PALS1: variants seen among roughly 807,000 people sequenced by gnomAD.
The protein encoded by PALS1 is protein associated with LIN7 1, MAGUK p55 family member.
In PALS1, 31 loss-of-function variants were observed where a neutral mutation model predicts 78.9. The observed-to-expected ratio is 0.39, with a 90% confidence interval of 0.30 to 0.53. The LOEUF (loss-of-function observed/expected upper bound fraction) is 0.53. Among genes scored for constraint, PALS1 ranks in the 20% least tolerant of loss-of-function variants. The pLI is 0.67. For missense variants in PALS1, 704 were observed against 826.5 expected (o/e 0.85, Z 1.82); for synonymous variants, 276 against 270.9 (o/e 1.02, Z -0.18).
intron 8 of PALS1, among the ~76,000 whole-genome samples, chr14:67,305,380 A>G (rs1003700905): frequency 6.6e-6 from 1 of 152,144 alleles, no homozygotes; most frequent in African/African-American, 2.4e-5. Flanking sequence ...CCTGGGCTCA[A>G]GCAGTCCTCC....
intron 4 of PALS1, 91 bp downstream of exon 4, chr14:67,292,810 G>T: frequency 2.1e-6 from 2 of 958,006 alleles, no homozygotes; most frequent in Non-Finnish European, 3.1e-6. Flanking sequence ...GTGACTATAA[G>T]ATTTGTTTGA....
intron 1 of PALS1, among the ~76,000 whole-genome samples, chr14:67,269,353 A>T (rs1190194677): frequency 6.6e-6 from 1 of 151,020 alleles, no homozygotes; most frequent in Admixed American, 6.6e-5. Context: ...GTGTGTGTGT[A>T]GATGTATGAT....
rs565682794 is a variant in PALS1, at chr14:67,325,634, T to A, written c.1851+1822T>A. The stretch of plus-strand genomic sequence containing the variant: ...GGTAGAACAGAAACTCCATGGTTGT[T>A]CAAGGAAAAGGATGCGCACTAAGGA... On this transcript the variant is annotated intron_variant, in intron 14 of 14. Coordinates refer to ENST00000261681, the MANE Select transcript of PALS1 (RefSeq NM_022474.4). Among the ~76,000 whole-genome samples the A allele has an allele frequency of 1.1e-4, 17 of 152,284 alleles. No individual in the cohort carries two copies. The South Asian group carries it at 3.5e-3, about 32-fold the overall frequency.
chr14:67,316,996 C>T (rs919072491), intron 10 of PALS1, 93 bp downstream of exon 10: 2 of 977,000 alleles, frequency 2.0e-6, no homozygotes, highest in Admixed American at 5.1e-5. Flanking sequence ...TGAAGAAGTA[C>T]TCAGGGAAAG....
intron 3 of PALS1, chr14:67,280,018 T>C (rs1284320958): frequency 6.6e-6 from 1 of 152,626 alleles, no homozygotes; most frequent in Non-Finnish European, 1.5e-5. Flanking sequence ...AATAATGGTA[T>C]TTTCTATATC....
At chr14:67,279,777 AG>A (rs2140680825) in intron 3 of PALS1, 1 of 393,050 alleles carries the variant, frequency 2.5e-6, no homozygotes, top group African/African-American at 2.1e-5. Flanking sequence ...GATATTAAAG[AG>A]TTCTGCATGG....
intron 10 of PALS1, among the ~76,000 whole-genome samples, chr14:67,317,107 T>C (rs954742821): frequency 6.6e-6 from 1 of 152,202 alleles, no homozygotes; most frequent in Non-Finnish European, 1.5e-5. Context: ...TAATTGAAAA[T>C]TGTAAATGCT....
In PALS1 at chr14:67,332,808, A is replaced by G; in HGVS notation, c.1880A>G (p.Lys627Arg). ...GAAGAGTTGAGAGAAATCATTGAGA[A>G]GACAAGAGAGATGGAGCAGAACAAT... ...KPEELREIIE[K>R]TREMEQNNGH... Residue 627 changes from lysine to arginine, a missense_variant, in exon 15 of 15, where the codon AAG (lysine) becomes AGG (arginine). By Grantham distance (26) the Lys-to-Arg change is conservative. Coordinates refer to ENST00000261681, the MANE Select transcript of PALS1 (RefSeq NM_022474.4). 6.2e-7 allele frequency: 1 copy of G among 1,613,324 alleles called. No homozygotes were observed. The highest frequency in any genetic ancestry group is 8.5e-7 in the Non-Finnish European group (1 of 1,179,392).
chr14:67,253,555 C>T (rs991382337), intron 1 of PALS1, among the ~76,000 whole-genome samples: 12 of 152,060 alleles, frequency 7.9e-5, no homozygotes, highest in African/African-American at 1.7e-4. Context: ...TTAAAAATGA[C>T]GTAGTTAGGC....
chr14:67,263,558 G>C (rs1473897273), intron 1 of PALS1, among the ~76,000 whole-genome samples: 1 of 152,134 alleles, frequency 6.6e-6, no homozygotes, highest in East Asian at 1.9e-4. Context: ...TCTTCTCTTA[G>C]TATAGGATAA....
intron 1 of PALS1, among the ~76,000 whole-genome samples, chr14:67,244,584 C>T (rs1314836098): frequency 1.3e-5 from 2 of 152,182 alleles, no homozygotes; most frequent in Non-Finnish European, 2.9e-5. Flanking sequence ...AGAACAGTTC[C>T]ATCACCTATC....
chr14:67,246,767 T>G (rs1424553515), intron 1 of PALS1, among the ~76,000 whole-genome samples: 1 of 147,842 alleles, frequency 6.8e-6, no homozygotes, highest in African/African-American at 2.5e-5. Flanking sequence ...TTCTCCTGCC[T>G]CAGCCTCCCA....
intron 1 of PALS1, among the ~76,000 whole-genome samples, chr14:67,251,451 T>G (rs2140442353): frequency 6.6e-6 from 1 of 152,204 alleles, no homozygotes; most frequent in East Asian, 1.9e-4. Context: ...GAGGATTTCT[T>G]GAGTGTGGGA....
At chr14:67,308,691 AC>A (rs1393973463) in intron 8 of PALS1, among the ~76,000 whole-genome samples, 1 of 151,612 alleles carries the variant, frequency 6.6e-6, no homozygotes, top group Non-Finnish European at 1.5e-5. Flanking sequence ...GATTACAGCT[AC>A]CCTGTACCGT....
At chr14:67,309,556 C>A (rs1407697110) in intron 8 of PALS1, among the ~76,000 whole-genome samples, 1 of 152,102 alleles carries the variant, frequency 6.6e-6, no homozygotes, top group Non-Finnish European at 1.5e-5. Context: ...CTGTTCCAAG[C>A]CAGTTAAATT....
chr14:67,320,919 T>C (rs2085253987), intron 12 of PALS1, 138 bp from the exon 13 acceptor site: 2 of 697,776 alleles, frequency 2.9e-6, no homozygotes. Context: ...ATGTTAAACA[T>C]GTAGGCACTT....
intron 1 of PALS1, among the ~76,000 whole-genome samples, chr14:67,246,852 G>T (rs1265718273): frequency 2.0e-5 from 3 of 151,874 alleles, no homozygotes; most frequent in East Asian, 3.9e-4. Flanking sequence ...GGGTTTCACC[G>T]TGTTGGCCAG....
rs745665388 is a variant in PALS1 at position 67,279,245 on chromosome 14, A to G, written c.75A>G (p.Ser25=). 3.7e-6 allele frequency: 6 copies of G among 1,613,678 alleles called. No homozygotes were observed. The South Asian group carries it at 6.6e-5, about 18-fold the overall frequency. Residue 25 remains serine, a synonymous_variant, in exon 3 of 15, where the codon TCA becomes TCG. Coordinates refer to ENST00000261681, the MANE Select transcript of PALS1 (RefSeq NM_022474.4). ...AAGTAAAAAATGTTGATCTTGCATCACCAGAGGAACATCAGAAGCACCGAG... is the reference window on the plus strand; with the variant it reads ...AAGTAAAAAATGTTGATCTTGCATCGCCAGAGGAACATCAGAAGCACCGAG... ...DSEVKNVDLA[S]PEEHQKHREM...
chr14:67,304,823 A>AT (rs1316106858), intron 8 of PALS1, among the ~76,000 whole-genome samples: 1 of 151,688 alleles, frequency 6.6e-6, no homozygotes, highest in Non-Finnish European at 1.5e-5. Context: ...ATGAAACTTT[A>AT]AAGTGTTGAA....
Sources: gnomAD v4.1 joint callset for allele counts (sites outside exome capture counted in the v4.1 genomes callset) on GRCh38, gnomAD v4.1.1 for gene constraint, MANE v1.5 for transcripts, NCBI Gene and HGNC (gene_info 2026-07-23, HGNC 2026-07-21) for gene names.